SDC1: variants seen among roughly 807,000 people sequenced by gnomAD.
SDC1 encodes the protein syndecan 1, also known as syndecan-1.
Under a neutral mutation model 29.7 loss-of-function variants are expected in SDC1, and 14 were observed. The observed-to-expected ratio is 0.47, with a 90% CI of 0.31 to 0.74. The LOEUF (loss-of-function observed/expected upper bound fraction) is 0.74. Ranked by LOEUF, SDC1 falls within the 30% of genes least tolerant of loss-of-function variation. The pLI, the probability that SDC1 is intolerant of heterozygous loss-of-function variation, is 0.05. For missense variants in SDC1, 406 were observed against 400.3 expected (o/e 1.01, Z -0.12); for synonymous variants, 204 against 175.5 (o/e 1.16, Z -1.29).
chr2:20,202,125 C>T lies in SDC1; in HGVS notation c.*641G>A. ...AAAAAAAAAAAAAAAGTCTTCTTAA[C>T]CCTGATGCTGTCTCCCGACCATAGA... On this transcript the variant is annotated 3_prime_UTR_variant, in exon 5 of 5. Transcript: ENST00000254351. The T allele has an allele frequency of 3.6e-6, 2 of 557,298 alleles. No individual in the cohort carries two copies. Among genetic ancestry groups the T allele is most frequent in the Non-Finnish European group, 6.4e-6 (2 of 313,532 alleles). 34.5% of individuals were successfully genotyped at this position (557,298 alleles called of 1,614,324 possible).
chr2:20,218,913 G>A (rs1487489440), intron 1 of SDC1, among the ~76,000 whole-genome samples: 3 of 152,250 alleles, frequency 2.0e-5, no homozygotes, highest in East Asian at 3.9e-4. Context: ...CAGGGCTGAC[G>A]GCCAGAGGAG....
intron 1 of SDC1, among the ~76,000 whole-genome samples, chr2:20,214,128 T>G (rs1354549088): frequency 6.6e-6 from 1 of 152,138 alleles, no homozygotes; most frequent in Non-Finnish European, 1.5e-5. Context: ...CTGGAAGATG[T>G]CAAGGGCAAA....
Position 20,204,131 on chromosome 2 carries a change from C to G in SDC1, c.309G>C (p.Glu103Asp). ...LPAGEGPKEG[E>D]AVVLPEVEPG... is the part of the protein sequence containing the mutation. The stretch of plus-strand genomic sequence containing the variant: ...GCTCCACTTCTGGCAGGACTACAGC[C>G]TCTCCCTCCTTGGGCCCCTCTCCAG... The change falls in exon 3 of 5, where the codon GAG becomes GAC. Residue 103 changes from glutamate (E) to aspartate (D), a missense_variant. Coordinates refer to ENST00000254351, the MANE Select transcript of SDC1 (RefSeq NM_002997.5). 6.2e-7 allele frequency: 1 copy of G among 1,604,544 alleles called. No homozygotes were observed. Among genetic ancestry groups the G allele is most frequent in the Non-Finnish European group, 8.5e-7 (1 of 1,179,852 alleles).
At chr2:20,216,765 C>G (rs1677637088) in intron 1 of SDC1, among the ~76,000 whole-genome samples, 1 of 152,174 alleles carries the variant, frequency 6.6e-6, no homozygotes. Flanking sequence ...CCATAGTTGG[C>G]CACGAGCTCC....
chr2:20,224,842 C>G lies in SDC1; in HGVS notation c.26G>C (p.Trp9Ser). The change falls in exon 1 of 5, where the codon TGG (tryptophan) becomes TCG (serine). Residue 9 changes from tryptophan (W) to serine (S), a missense_variant. Transcript: ENST00000254351. This position sits in a 1 kb window ranked among gnomAD's most constrained non-coding sequence, Gnocchi z 4.9. The part of the protein sequence containing the change: MRRAALWL[W>S]LCALALSLQP... The stretch of plus-strand genomic sequence containing the variant: ...CAGGCTCAGCGCCAGCGCGCACAGC[C>G]AGAGCCAGAGCGCCGCGCGCCTCAT... 1 of 1,263,956 alleles carries G rather than the reference C, an allele frequency of 7.9e-7. No individual in the cohort carries two copies. The highest frequency in any genetic ancestry group is 2.9e-5 in the South Asian group (1 of 35,012). 78.3% of individuals were successfully genotyped at this position (1,263,956 alleles called of 1,614,324 possible).
intron 1 of SDC1, among the ~76,000 whole-genome samples, chr2:20,222,290 G>A (rs1457929155): frequency 1.3e-5 from 2 of 152,074 alleles, no homozygotes; most frequent in Non-Finnish European, 2.9e-5. Context: ...TTTCAGAGAG[G>A]GTCAGATCTC....
chr2:20,217,580 C>G (rs1677668027), intron 1 of SDC1, among the ~76,000 whole-genome samples: 1 of 152,204 alleles, frequency 6.6e-6, no homozygotes, highest in Admixed American at 6.5e-5. Flanking sequence ...TACACAGTCA[C>G]TCGAGAGAGA....
At chr2:20,203,040 C>A in intron 4 of SDC1, 47 bp downstream of exon 4, 1 of 1,573,812 alleles carries the variant, frequency 6.4e-7, no homozygotes, top group Middle Eastern at 1.7e-4. Context: ...CACCCTGACC[C>A]CACAGCAGCA....
intron 1 of SDC1, among the ~76,000 whole-genome samples, chr2:20,208,521 G>C (rs1310441741): frequency 6.6e-6 from 1 of 152,242 alleles, no homozygotes; most frequent in Non-Finnish European, 1.5e-5. Context: ...GAGAAGGTGA[G>C]ATTTCAGCCC....
rs200798216 is a variant in SDC1 at position 20,203,234 on chromosome 2, C to T, written c.628-12G>A. The T allele has an allele frequency of 2.9e-5, 46 of 1,597,058 alleles. No individual in the cohort carries two copies. In the African/African-American group the frequency reaches 5.0e-4, roughly 17 times the overall value. On this transcript the variant is annotated splice_polypyrimidine_tract_variant and intron_variant, in intron 3 of 4. Coordinates refer to ENST00000254351, the MANE Select transcript of SDC1 (RefSeq NM_002997.5). ...TCAAAGGTGAAGTCCTGTGGGAGGG[C>T]AGGGGCAGATTGGGTTGGCCAGGTC...
chr2:20,205,810 C>T (rs1420652316), intron 1 of SDC1, among the ~76,000 whole-genome samples: 1 of 152,240 alleles, frequency 6.6e-6, no homozygotes, highest in Non-Finnish European at 1.5e-5. Flanking sequence ...TGAACCAGCT[C>T]TTGGGGGCCA....
At position 20,202,830 on chromosome 2, in the gene SDC1, T is replaced by G; in HGVS notation, c.869A>C (p.Glu290Ala). Residue 290 changes from glutamate (E) to alanine (A), a missense_variant, in exon 5 of 5, where the codon GAG becomes GCG. Physicochemically the swap from Glu to Ala is moderately radical, Grantham distance 107. Coordinates refer to ENST00000254351, the MANE Select transcript of SDC1 (RefSeq NM_002997.5). ...GGCCCCGCCGTTGGCTTGTTTCGGCTCCTCCAAGGAGTAGCTGCCTTCGTC... is the reference window on the plus strand; with the variant it reads ...GGCCCCGCCGTTGGCTTGTTTCGGCGCCTCCAAGGAGTAGCTGCCTTCGTC... Reference protein sequence around the residue: ...KKDEGSYSLEEPKQANGGAYQ... With the variant: ...KKDEGSYSLEAPKQANGGAYQ... 1 of 1,613,646 alleles carries G rather than the reference T, an allele frequency of 6.2e-7. No individual in the cohort carries two copies. Among genetic ancestry groups the G allele is most frequent in the South Asian group, 1.1e-5 (1 of 90,976 alleles).
At chr2:20,205,206 G>T in intron 2 of SDC1, 137 bp downstream of exon 2, 1 of 726,100 alleles carries the variant, frequency 1.4e-6, no homozygotes, top group Non-Finnish European at 2.4e-6. Context: ...ATTGCCCTTT[G>T]GAGCCAGCTG....
chr2:20,210,140 C>T (rs1000269171), intron 1 of SDC1, among the ~76,000 whole-genome samples: 5 of 152,180 alleles, frequency 3.3e-5, no homozygotes, highest in African/African-American at 1.2e-4. Flanking sequence ...TCAGGAATTC[C>T]AAACCAGCCT....
In SDC1 at chr2:20,225,011, T is replaced by A. The variant is rs1384634540; in HGVS notation, c.-144A>T. On this transcript the variant is annotated 5_prime_UTR_variant, in exon 1 of 5. Coordinates refer to ENST00000254351, the MANE Select transcript of SDC1 (RefSeq NM_002997.5). ...GGCGAGGGCTGCAGGGTCCGCCGGC[T>A]GGAGTCCGCTCTCTACTGCCGGATT... 9.7e-7 allele frequency: 1 copy of A among 1,033,220 alleles called. No homozygotes were observed. Among genetic ancestry groups the A allele is most frequent in the African/African-American group, 1.7e-5 (1 of 59,262 alleles). 64.0% of individuals were successfully genotyped at this position (1,033,220 alleles called of 1,614,324 possible).
rs920327202 is a variant in SDC1, at chr2:20,200,863, C to A, written c.*1903G>T. 1 of 152,284 alleles carries A rather than the reference C, an allele frequency of 6.6e-6. No homozygotes were observed. The highest frequency in any genetic ancestry group is 2.4e-5 in the African/African-American group (1 of 41,456). The allele number at this position is 152,284 out of a possible 1,614,324, so 9.4% of individuals were successfully genotyped here. On this transcript the variant is annotated 3_prime_UTR_variant, in exon 5 of 5. Coordinates refer to ENST00000254351, the MANE Select transcript of SDC1 (RefSeq NM_002997.5). Reference sequence around the variant, plus strand: ...TGAACCCAGCCTCTGGCTTGGGCACCGTCCCACGGACCAGCAGATGAGCAT... The same window carrying A: ...TGAACCCAGCCTCTGGCTTGGGCACAGTCCCACGGACCAGCAGATGAGCAT...
At chr2:20,214,409 G>A (rs1677570038) in intron 1 of SDC1, among the ~76,000 whole-genome samples, 2 of 152,158 alleles carry the variant, frequency 1.3e-5, no homozygotes, top group South Asian at 2.1e-4. Flanking sequence ...TCTGGTTTGG[G>A]GGATGGGAGA....
At position 20,207,366 on chromosome 2, in the gene SDC1, C is replaced by T. The variant is rs1004633983; in HGVS notation, c.67-1942G>A. 8.2e-6 allele frequency: 8 copies of T among 981,036 alleles called. No individual in the cohort carries two copies. In the African/African-American group the frequency reaches 1.2e-4, roughly 15 times the overall value. 60.8% of individuals were successfully genotyped at this position (981,036 alleles called of 1,614,324 possible). ...CCATCTACAGTAACAAGTCACATTCCGCCAAGGCTCACCTGCAATGAACAG... is the reference window on the plus strand; with the variant it reads ...CCATCTACAGTAACAAGTCACATTCTGCCAAGGCTCACCTGCAATGAACAG... On this transcript the variant is annotated intron_variant, in intron 1 of 4. Transcript: ENST00000254351.
At chr2:20,225,451 CG>C (rs1677965607), upstream of SDC1, 1 of 152,464 alleles carries the variant, frequency 6.6e-6, no homozygotes, top group African/African-American at 2.4e-5. Flanking sequence ...AGGCAGTCCT[CG>C]GGCGCGAGTG....
Sources: allele counts gnomAD v4.1 joint callset (sites outside exome capture counted in the v4.1 genomes callset), GRCh38; gene constraint gnomAD v4.1.1; non-coding constraint Gnocchi (gnomAD v3.1); transcripts MANE v1.5; gene names NCBI Gene and HGNC (gene_info 2026-07-23, HGNC 2026-07-21).